LRP1B: variants seen among roughly 807,000 people sequenced by gnomAD.
The protein encoded by LRP1B is low-density lipoprotein receptor-related protein 1B.
LRP1B carries 217 observed loss-of-function variants against 556.6 expected under a neutral mutation model. The ratio of observed to expected loss-of-function variants is 0.39; its 90% CI spans 0.35 to 0.44. LRP1B has a LOEUF of 0.44. Ranked by LOEUF, LRP1B falls within the 20% of genes least tolerant of loss-of-function variation. The pLI, the probability that LRP1B is intolerant of heterozygous loss-of-function variation, is 1.00. For synonymous variants in LRP1B, 2,047 were observed against 1,865.8 expected, an observed-to-expected ratio of 1.10 and a Z score of -2.50; for missense variants, 5,053 against 5,620.8, an observed-to-expected ratio of 0.90 and a Z score of 3.23.
rs150214671 is a variant in LRP1B, at chr2:141,024,056, T to C, written c.1790-3954A>G. Among the ~76,000 whole-genome samples, 300 of 152,174 alleles carry C rather than the reference T, an allele frequency of 2.0e-3. 1 individual carries two copies. The highest frequency in any genetic ancestry group is 3.7e-3 in the Non-Finnish European group (253 of 67,980). On this transcript the variant is annotated intron_variant, in intron 11 of 90. Coordinates refer to ENST00000389484, the MANE Select transcript of LRP1B (RefSeq NM_018557.3). ...ACTTTCCTGTCTCCTATTCTTGTAGTTCAATTAATACATATTCTCTTTGTA... is the reference window on the plus strand; with the variant it reads ...ACTTTCCTGTCTCCTATTCTTGTAGCTCAATTAATACATATTCTCTTTGTA...
intron 1 of LRP1B, among the ~76,000 whole-genome samples, chr2:142,035,475 T>A (rs1703844629): frequency 1.3e-5 from 2 of 151,630 alleles, no homozygotes; most frequent in African/African-American, 4.8e-5. Flanking sequence ...TTTTTTTTTT[T>A]AATATTCACA....
chr2:141,737,926 C>T (rs376399409), intron 2 of LRP1B, among the ~76,000 whole-genome samples: 2 of 152,068 alleles, frequency 1.3e-5, no homozygotes, highest in East Asian at 1.9e-4. Flanking sequence ...AGAGTATTTG[C>T]TGTCCTATCA....
intron 66 of LRP1B, among the ~76,000 whole-genome samples, chr2:140,402,361 G>A (rs1230345996): frequency 1.3e-5 from 2 of 152,130 alleles, no homozygotes; most frequent in Non-Finnish European, 2.9e-5. Flanking sequence ...CTTGGAGAAG[G>A]GATCTCTTTT....
At chr2:141,250,517 A>G (rs1389940234) in intron 4 of LRP1B, among the ~76,000 whole-genome samples, 1 of 152,160 alleles carries the variant, frequency 6.6e-6, no homozygotes, top group East Asian at 1.9e-4. Flanking sequence ...TCCTTGCCCT[A>G]TGCATCACTT....
chr2:141,646,670 T>C (rs1689577103), intron 2 of LRP1B, among the ~76,000 whole-genome samples: 1 of 152,068 alleles, frequency 6.6e-6, no homozygotes, highest in African/African-American at 2.4e-5. Flanking sequence ...TAAATAGTAA[T>C]TACACAGTAA....
At chr2:141,092,543 A>G (rs1284912045) in intron 7 of LRP1B, among the ~76,000 whole-genome samples, 1 of 152,226 alleles carries the variant, frequency 6.6e-6, no homozygotes, top group African/African-American at 2.4e-5. Flanking sequence ...ATTTAAAGCC[A>G]TAAGACTAGA....
At chr2:141,100,793 A>T (rs1700441471) in intron 7 of LRP1B, among the ~76,000 whole-genome samples, 1 of 151,818 alleles carries the variant, frequency 6.6e-6, no homozygotes, top group Admixed American at 6.6e-5. Context: ...TAGACATGAA[A>T]ACAGATTTGT....
At chr2:140,988,406 T>G (rs555728132) in intron 17 of LRP1B, among the ~76,000 whole-genome samples, 79 of 152,278 alleles carry the variant, frequency 5.2e-4, no homozygotes, top group African/African-American at 1.7e-3. Context: ...AACTGGCCCA[T>G]GGATCCTCAG....
intron 3 of LRP1B, among the ~76,000 whole-genome samples, chr2:141,378,469 G>A (rs1689518638): frequency 2.0e-5 from 3 of 152,126 alleles, no homozygotes; most frequent in African/African-American, 4.8e-5. Flanking sequence ...GAGGCCAGGA[G>A]TTCAAGACCA....
At chr2:140,540,349 C>T (rs1680089364) in intron 45 of LRP1B, among the ~76,000 whole-genome samples, 1 of 152,034 alleles carries the variant, frequency 6.6e-6, no homozygotes, top group South Asian at 2.1e-4. Flanking sequence ...GCAAATTTTT[C>T]ATGGCAATAT....
At chr2:141,314,859 T>TATATAC (rs1686952057) in intron 3 of LRP1B, among the ~76,000 whole-genome samples, 4 of 137,382 alleles carry the variant, frequency 2.9e-5, no homozygotes, top group Non-Finnish European at 4.6e-5. Flanking sequence ...TATATATACA[T>TATATAC]ATATATACAT....
chr2:141,875,162 G>A (rs982611007), intron 1 of LRP1B, among the ~76,000 whole-genome samples: 11 of 151,446 alleles, frequency 7.3e-5, no homozygotes, highest in African/African-American at 2.7e-4. Context: ...TACATAAAAT[G>A]ATGATATATA....
At chr2:140,976,819 C>A (rs1268501740) in intron 18 of LRP1B, among the ~76,000 whole-genome samples, 2 of 151,896 alleles carry the variant, frequency 1.3e-5, no homozygotes, top group African/African-American at 2.4e-5. Flanking sequence ...CCTGAACTAC[C>A]TTTCAATCTG....
intron 20 of LRP1B, among the ~76,000 whole-genome samples, chr2:140,939,626 T>C (rs188138189): frequency 5.7e-4 from 86 of 151,046 alleles, no homozygotes; most frequent in Middle Eastern, 3.4e-3. Context: ...TGACCCAGCA[T>C]TACTCTGAGT....
intron 3 of LRP1B, among the ~76,000 whole-genome samples, chr2:141,380,199 G>T (rs1277220815): frequency 6.6e-6 from 1 of 150,658 alleles, no homozygotes; most frequent in African/African-American, 2.4e-5. Flanking sequence ...TCCTCCTGGG[G>T]CTCTTCCTCT....
intron 77 of LRP1B, among the ~76,000 whole-genome samples, chr2:140,338,077 A>C (rs1301134964): frequency 6.6e-6 from 1 of 151,668 alleles, no homozygotes; most frequent in Non-Finnish European, 1.5e-5. Context: ...CGAAAAAAAA[A>C]ACTTACTTTT....
chr2:141,397,113 CAAAAAAAAA>C (rs5834824), intron 3 of LRP1B, among the ~76,000 whole-genome samples: 2 of 41,964 alleles, frequency 4.8e-5, no homozygotes, highest in Admixed American at 3.6e-4. Flanking sequence ...AACTTTGTCT[CAAAAAAAAA>C]AAAAAAAAAA....
intron 20 of LRP1B, among the ~76,000 whole-genome samples, chr2:140,929,099 C>T (rs1009036075): frequency 5.9e-5 from 9 of 151,996 alleles, no homozygotes; most frequent in Non-Finnish European, 1.3e-4. Flanking sequence ...ACGGATTTTA[C>T]AAGACTTGAG....
intron 2 of LRP1B, among the ~76,000 whole-genome samples, chr2:141,621,879 T>TTTTG (rs748874627): frequency 1.3e-5 from 2 of 152,064 alleles, no homozygotes; most frequent in South Asian, 2.1e-4. Context: ...TATCTCTCTT[T>TTTTG]TTTGTTTGTT....
Sources: allele counts gnomAD v4.1 joint callset (sites outside exome capture counted in the v4.1 genomes callset), GRCh38; gene constraint gnomAD v4.1.1; transcripts MANE v1.5; gene names NCBI Gene and HGNC (gene_info 2026-07-23, HGNC 2026-07-21).